The following MEDAG variants were observed in gnomAD, a reference collection of about 807,000 sequenced individuals.
The protein encoded by MEDAG is mesenteric estrogen dependent adipogenesis.
In MEDAG, 25 loss-of-function variants were observed where a neutral mutation model predicts 29.9. The ratio of observed to expected loss-of-function variants is 0.84; its 90% CI spans 0.61 to 1.17. MEDAG has a LOEUF of 1.17. Ranked by LOEUF, MEDAG falls within the 50% of genes most tolerant of loss-of-function variation. MEDAG has a pLI of 0.00. For synonymous variants in MEDAG, 158 were observed against 148.2 expected, an observed-to-expected ratio of 1.07 and a Z score of -0.48; for missense variants, 398 against 372.9, an observed-to-expected ratio of 1.07 and a Z score of -0.56.
Position 30,906,809 on chromosome 13 carries a change from G to A in MEDAG, c.278+16G>A. On this transcript the variant is annotated intron_variant, in intron 1 of 4. Coordinates refer to ENST00000380482, the MANE Select transcript of MEDAG (RefSeq NM_032849.4). ...ACATCAAGAGGTGGGTGGCCTCGCCGTGCGCCCTGGCCCGTCGCCTGGTAC... is the reference window on the plus strand; with the variant it reads ...ACATCAAGAGGTGGGTGGCCTCGCCATGCGCCCTGGCCCGTCGCCTGGTAC... 1.4e-6 allele frequency: 2 copies of A among 1,457,790 alleles called. No individual in the cohort carries two copies. Among genetic ancestry groups the A allele is most frequent in the Non-Finnish European group, 1.8e-6 (2 of 1,114,016 alleles). 90.3% of individuals were successfully genotyped at this position (1,457,790 alleles called of 1,614,324 possible).
chr13:30,914,321 G>A (rs997796946), intron 1 of MEDAG, among the ~76,000 whole-genome samples: 1 of 152,200 alleles, frequency 6.6e-6, no homozygotes, highest in African/African-American at 2.4e-5. Context: ...CCTGGTTAGA[G>A]TTAGGGAGCT....
chr13:30,917,638 GA>G, intron 2 of MEDAG, 126 bp downstream of exon 2: 2 of 612,594 alleles, frequency 3.3e-6, no homozygotes, highest in South Asian at 4.0e-5. Flanking sequence ...TGCTTCTGGG[GA>G]GGCCTCAGGA....
intron 1 of MEDAG, among the ~76,000 whole-genome samples, chr13:30,910,426 G>C (rs1431088578): frequency 6.6e-6 from 1 of 152,172 alleles, no homozygotes; most frequent in Admixed American, 6.5e-5. Context: ...AGTTTACAAA[G>C]TTTGCATTAC....
At chr13:30,911,089 T>C (rs1239769924) in intron 1 of MEDAG, among the ~76,000 whole-genome samples, 1 of 152,218 alleles carries the variant, frequency 6.6e-6, no homozygotes, top group Non-Finnish European at 1.5e-5. Context: ...TGAATGACCT[T>C]GGGAAATTTA....
intron 1 of MEDAG, among the ~76,000 whole-genome samples, chr13:30,915,589 G>A (rs1952919660): frequency 6.6e-6 from 1 of 152,046 alleles, no homozygotes; most frequent in Non-Finnish European, 1.5e-5. Flanking sequence ...ACTTTTGGCA[G>A]TTGGTCAACT....
At chr13:30,918,495 C>T (rs1952951414) in intron 2 of MEDAG, among the ~76,000 whole-genome samples, 1 of 152,176 alleles carries the variant, frequency 6.6e-6, no homozygotes, top group Non-Finnish European at 1.5e-5. Flanking sequence ...TGTTTAGACA[C>T]ATCTCTTCAT....
At chr13:30,915,807 ACACCCCAGCGCCC>A (rs1414621677) in intron 1 of MEDAG, among the ~76,000 whole-genome samples, 2 of 151,886 alleles carry the variant, frequency 1.3e-5, no homozygotes, top group East Asian at 3.9e-4. Flanking sequence ...TTCCCTTGTA[ACACCCCAGCGCCC>A]CACCCCAGCG....
At chr13:30,909,512 A>C (rs1365741908) in intron 1 of MEDAG, among the ~76,000 whole-genome samples, 2 of 152,144 alleles carry the variant, frequency 1.3e-5, no homozygotes, top group Non-Finnish European at 2.9e-5. Context: ...CCCAAAAGGC[A>C]AAATGGTTCT....
chr13:30,917,233 A>G (rs1194771914), intron 1 of MEDAG, among the ~76,000 whole-genome samples, 170 bp from the exon 2 acceptor site: 1 of 152,198 alleles, frequency 6.6e-6, no homozygotes, highest in Non-Finnish European at 1.5e-5. Context: ...TCCTTGAGCC[A>G]ATCAGCCATG....
Position 30,921,024 on chromosome 13 carries a change from C to G in MEDAG, c.399C>G (p.Tyr133Ter). The change falls in exon 3 of 5, where the codon TAC (tyrosine) becomes TAG (stop). Residue 133 changes from tyrosine (Y) to a stop codon, truncating the protein, a stop_gained. Transcript: ENST00000380482. LOFTEE classifies it high-confidence loss of function. Reference sequence around the variant, plus strand: ...CTTGCTAATTTCTAGAAAGGACGTACGCGTTTCTTGTAAACACGAGGCACC... The same window carrying G: ...CTTGCTAATTTCTAGAAAGGACGTAGGCGTTTCTTGTAAACACGAGGCACC... ...TKKDTSKERT[Y>*]AFLVNTRHPK... 6.2e-7 allele frequency: 1 copy of G among 1,613,508 alleles called. No individual in the cohort carries two copies. Among genetic ancestry groups the G allele is most frequent in the Non-Finnish European group, 8.5e-7 (1 of 1,179,652 alleles).
intron 1 of MEDAG, among the ~76,000 whole-genome samples, chr13:30,908,073 A>T (rs1412231748): frequency 6.6e-6 from 1 of 152,258 alleles, no homozygotes; most frequent in Non-Finnish European, 1.5e-5. Context: ...AAAAATAAAA[A>T]TGTCCAGAAT....
In MEDAG at chr13:30,921,004, T is replaced by C; in HGVS notation, c.389-10T>C. On this transcript the variant is annotated splice_polypyrimidine_tract_variant and intron_variant, in intron 2 of 4. Transcript: ENST00000380482. ...ACACTTGTTTCTGAATTCTGCTTGC[T>C]AATTTCTAGAAAGGACGTACGCGTT... The C allele has an allele frequency of 1.2e-6, 2 of 1,609,892 alleles. No individual in the cohort carries two copies.
intron 1 of MEDAG, among the ~76,000 whole-genome samples, chr13:30,915,269 TGTAGAA>T (rs1593506924): frequency 6.6e-6 from 1 of 152,184 alleles, no homozygotes; most frequent in East Asian, 1.9e-4. Context: ...ATATTCAATA[TGTAGAA>T]GCAATATTTG....
chr13:30,917,341 T>C (rs1566127661), intron 1 of MEDAG, 62 bp from the exon 2 acceptor site: 11 of 994,340 alleles, frequency 1.1e-5, no homozygotes, highest in Non-Finnish European at 1.6e-5. Context: ...GTCCAGTACA[T>C]CCCCTTCCTA....
chr13:30,916,514 G>A (rs1292501075), intron 1 of MEDAG: 2 of 152,282 alleles, frequency 1.3e-5, no homozygotes, highest in Admixed American at 6.5e-5. Flanking sequence ...GTGTCAATGG[G>A]GAACCAGCTC....
rs1247088260 is a variant in MEDAG at position 30,906,680 on chromosome 13, C to A, written c.165C>A (p.Leu55=). Residue 55 remains leucine (L), a synonymous_variant, in exon 1 of 5, where the codon CTC becomes CTA. Transcript: ENST00000380482. ...PGAFQLSGDQ[L]VVARPGEPAA... is the part of the protein sequence containing the mutation. ...CCTTCCAGCTGAGCGGCGACCAGCT[C>A]GTGGTGGCCAGGCCCGGGGAGCCGG... 1 of 1,548,090 alleles carries A rather than the reference C, an allele frequency of 6.5e-7. No individual in the cohort carries two copies. Among genetic ancestry groups the A allele is most frequent in the African/African-American group, 1.4e-5 (1 of 72,356 alleles).
At chr13:30,917,355 T>C (rs1475941232) in intron 1 of MEDAG, 48 bp from the exon 2 acceptor site, 1 of 1,114,116 alleles carries the variant, frequency 9.0e-7, no homozygotes, top group Non-Finnish European at 1.4e-6. Flanking sequence ...CTTCCTAATT[T>C]AGATGAAAGG....
chr13:30,911,010 C>T (rs967528406), intron 1 of MEDAG, among the ~76,000 whole-genome samples: 1 of 152,202 alleles, frequency 6.6e-6, no homozygotes, highest in Non-Finnish European at 1.5e-5. Context: ...AAATAATAAC[C>T]ATCCATGCAT....
intron 1 of MEDAG, among the ~76,000 whole-genome samples, chr13:30,912,615 G>C (rs1424196347): frequency 6.6e-6 from 1 of 152,072 alleles, no homozygotes; most frequent in Non-Finnish European, 1.5e-5. Flanking sequence ...GGAAATTTGG[G>C]GCAGCTTTGA....
Sources: allele counts gnomAD v4.1 joint callset (sites outside exome capture counted in the v4.1 genomes callset), GRCh38; gene constraint gnomAD v4.1.1; transcripts MANE v1.5; gene names NCBI Gene and HGNC (gene_info 2026-07-23, HGNC 2026-07-21).